Variants in SAMD3 observed in about 807,000 individuals in gnomAD.
The protein encoded by SAMD3 is sterile alpha motif domain containing 3.
SAMD3 carries 63 observed loss-of-function variants against 58.5 expected under a neutral mutation model. The ratio of observed to expected loss-of-function variants is 1.08; its 90% CI spans 0.88 to 1.33. The LOEUF (loss-of-function observed/expected upper bound fraction) is 1.33. SAMD3 is among the 40% of genes most tolerant of loss of function. The probability of loss-of-function intolerance (pLI) is 0.00; values close to 1 mark genes in which losing one functional copy is unlikely to be tolerated. For missense variants in SAMD3, 604 were observed against 608.4 expected (o/e 0.99, Z 0.08); for synonymous variants, 220 against 210.3 (o/e 1.05, Z -0.40).
In SAMD3 at chr6:130,251,535, A is replaced by G. The variant is rs75072044; in HGVS notation, c.-187-28722T>C. 1.2e-3 allele frequency among the ~76,000 whole-genome samples: 179 copies of G among 152,216 alleles called. 1 individual carries two copies. The highest frequency in any genetic ancestry group is 2.2e-3 in the Non-Finnish European group (151 of 67,996). ...ACCCTTATATTTAGGTCTTTTATCTATGTCAGATAATTTTTGTATATGAGG... is the reference window on the plus strand; with the variant it reads ...ACCCTTATATTTAGGTCTTTTATCTGTGTCAGATAATTTTTGTATATGAGG... On this transcript the variant is annotated intron_variant, in intron 2 of 13. Transcript: ENST00000368134.
intron 2 of SAMD3, among the ~76,000 whole-genome samples, chr6:130,269,702 T>A (rs948200910): frequency 3.7e-5 from 5 of 134,150 alleles, no homozygotes; most frequent in African/African-American, 1.4e-4. Flanking sequence ...TTGTGTCCTT[T>A]TCATTTTAAA....
At chr6:130,147,490 C>G (rs1344799851) in intron 9 of SAMD3, among the ~76,000 whole-genome samples, 1 of 152,190 alleles carries the variant, frequency 6.6e-6, no homozygotes, top group Non-Finnish European at 1.5e-5. Context: ...TCTTTTCTGA[C>G]TTTTTATGTT....
At chr6:130,231,038 T>A (rs924092688) in intron 2 of SAMD3, among the ~76,000 whole-genome samples, 1 of 152,162 alleles carries the variant, frequency 6.6e-6, no homozygotes, top group Non-Finnish European at 1.5e-5. Flanking sequence ...TTCAAAGACC[T>A]TAAAAATTGT....
At chr6:130,336,712 A>G (rs2115018691) in intron 1 of SAMD3, among the ~76,000 whole-genome samples, 1 of 152,270 alleles carries the variant, frequency 6.6e-6, no homozygotes, top group African/African-American at 2.4e-5. Flanking sequence ...AGGGAAAGGT[A>G]ATTGCTTTGC....
At chr6:130,201,791 AC>A (rs1794672312) in intron 5 of SAMD3, among the ~76,000 whole-genome samples, 1 of 152,024 alleles carries the variant, frequency 6.6e-6, no homozygotes, top group Non-Finnish European at 1.5e-5. Flanking sequence ...CTTAAGATAA[AC>A]CTCTAATCAT....
intron 2 of SAMD3, among the ~76,000 whole-genome samples, chr6:130,304,343 T>C (rs1302192879): frequency 2.0e-5 from 3 of 152,198 alleles, no homozygotes; most frequent in South Asian, 2.1e-4. Flanking sequence ...CTAATTTTTG[T>C]ATTTTTAGTA....
rs757887015 is a variant in SAMD3, at chr6:130,214,473, G to A, written c.133C>T (p.Gln45Ter). The A allele has an allele frequency of 6.2e-7, 1 of 1,612,192 alleles. No individual in the cohort carries two copies. The highest frequency in any genetic ancestry group is 1.1e-5 in the South Asian group (1 of 90,772). ...LLALNDRMVQ[Q>*]LVKKIGHQAV... Reference sequence around the variant, plus strand: ...TGGTGCCCAATTTTCTTTACCAGTTGCTGAACCATCCGATCATTAAGTGCA... The same window carrying A: ...TGGTGCCCAATTTTCTTTACCAGTTACTGAACCATCCGATCATTAAGTGCA... The change falls in exon 4 of 12, where the codon CAA (glutamine) becomes TAA (stop). Residue 45 changes from glutamine to a stop codon, truncating the protein, a stop_gained. Transcript: ENST00000439090. LOFTEE classifies it high-confidence loss of function.
chr6:130,280,582 G>C (rs1774947013), intron 2 of SAMD3, among the ~76,000 whole-genome samples: 1 of 152,042 alleles, frequency 6.6e-6, no homozygotes, highest in African/African-American at 2.4e-5. Context: ...AAATTTCTCA[G>C]ACTTTTTGTT....
At chr6:130,351,463 GAC>G (rs1289877058) in intron 1 of SAMD3, among the ~76,000 whole-genome samples, 1 of 152,096 alleles carries the variant, frequency 6.6e-6, no homozygotes, top group Non-Finnish European at 1.5e-5. Context: ...GCAGCCAAAA[GAC>G]ACACGAAAAA....
intron 1 of SAMD3, among the ~76,000 whole-genome samples, chr6:130,339,373 C>T (rs1332711505): frequency 1.3e-5 from 2 of 152,090 alleles, no homozygotes; most frequent in Non-Finnish European, 2.9e-5. Context: ...ATTGTAATTC[C>T]CATACATCCT....
At chr6:130,209,369 A>ATATT (rs1412744282) in intron 5 of SAMD3, 126 bp downstream of exon 5, 4 of 523,998 alleles carry the variant, frequency 7.6e-6, no homozygotes, top group Non-Finnish European at 1.3e-5. Context: ...GGATAAAAAT[A>ATATT]TATTCCCTTC....
At chr6:130,237,147 C>A (rs909850604) in intron 2 of SAMD3, among the ~76,000 whole-genome samples, 15 of 152,030 alleles carry the variant, frequency 9.9e-5, no homozygotes, top group African/African-American at 3.4e-4. Flanking sequence ...TTTCTATCTT[C>A]AGCAGTTCAG....
chr6:130,186,804 T>C lies in SAMD3; in HGVS notation c.384-2181A>G, dbSNP rs1243626004. On this transcript the variant is annotated intron_variant, in intron 5 of 11. Coordinates refer to ENST00000439090, the MANE Select transcript of SAMD3 (RefSeq NM_001017373.4). ...TTTTTTTTTTGAGACGGAGTCTTGC[T>C]CTGTCACCCAGGCTGGAGTGCAGTG... 2.1e-5 allele frequency among the ~76,000 whole-genome samples: 3 copies of C among 142,138 alleles called. No homozygotes were observed. The Admixed American group carries it at 2.2e-4, about 10-fold the overall frequency. The allele number at this position is 142,138 out of a possible 152,430, so 93.2% of individuals were successfully genotyped here.
At chr6:130,279,732 G>A (rs966940203) in intron 2 of SAMD3, among the ~76,000 whole-genome samples, 30 of 151,990 alleles carry the variant, frequency 2.0e-4, no homozygotes, top group Admixed American at 1.1e-3. Context: ...TGACCCACCC[G>A]CCTCGGCCTC....
intron 1 of SAMD3, among the ~76,000 whole-genome samples, chr6:130,315,223 T>G (rs898744787): frequency 2.0e-5 from 3 of 152,126 alleles, no homozygotes; most frequent in African/African-American, 7.2e-5. Flanking sequence ...TCTTATAGTA[T>G]GTCAGAAAAA....
At chr6:130,173,870 C>T (rs1791471148) in intron 8 of SAMD3, among the ~76,000 whole-genome samples, 1 of 152,224 alleles carries the variant, frequency 6.6e-6, no homozygotes, top group African/African-American at 2.4e-5. Flanking sequence ...GGGGCTGTTA[C>T]CTTTCCTTCA....
intron 2 of SAMD3, among the ~76,000 whole-genome samples, chr6:130,257,918 T>C (rs1466813191): frequency 6.6e-6 from 1 of 152,122 alleles, no homozygotes; most frequent in Non-Finnish European, 1.5e-5. Flanking sequence ...AAGGCAAAAA[T>C]GGAAGTATAC....
chr6:130,162,041 C>A, intron 8 of SAMD3: 1 of 463,236 alleles, frequency 2.2e-6, no homozygotes, highest in Non-Finnish European at 3.8e-6. Context: ...AAGTGTAGGA[C>A]TCACCTTTGA....
chr6:130,206,993 T>G (rs7754994), intron 5 of SAMD3, among the ~76,000 whole-genome samples: 1 of 151,324 alleles, frequency 6.6e-6, no homozygotes, highest in African/African-American at 2.4e-5. Flanking sequence ...TACAAATCAT[T>G]AAAAAATTAG....
Sources: allele counts gnomAD v4.1 joint callset (sites outside exome capture counted in the v4.1 genomes callset), GRCh38; gene constraint gnomAD v4.1.1; transcripts MANE v1.5; gene names NCBI Gene and HGNC (gene_info 2026-07-23, HGNC 2026-07-21).